Variants in SLC25A21 observed in about 807,000 individuals in gnomAD.
SLC25A21 encodes the protein solute carrier family 25 member 21.
Under a neutral mutation model 43.8 loss-of-function variants are expected in SLC25A21, and 47 were observed. The ratio of observed to expected loss-of-function variants is 1.07; its 90% CI spans 0.85 to 1.37. The LOEUF (loss-of-function observed/expected upper bound fraction) is 1.37, where lower values mean the gene tolerates loss of function less well. SLC25A21 is among the 40% of genes most tolerant of loss of function. The pLI, the probability that SLC25A21 is intolerant of heterozygous loss-of-function variation, is 0.00. For synonymous variants in SLC25A21, 131 were observed against 121.3 expected (o/e 1.08, Z -0.52); for missense variants, 352 against 350.2 (o/e 1.00, Z -0.04).
intron 3 of SLC25A21, among the ~76,000 whole-genome samples, chr14:36,774,577 AC>A: frequency 6.6e-6 from 1 of 151,704 alleles, no homozygotes; most frequent in African/African-American, 2.4e-5. Flanking sequence ...TATTTTAGAG[AC>A]TTTTTTTTTT....
chr14:36,720,186 C>T (rs79698410), intron 6 of SLC25A21, among the ~76,000 whole-genome samples: 1,824 of 152,308 alleles, frequency 0.012, 31 homozygotes, highest in African/African-American at 0.041. Flanking sequence ...CTGTCTCTCC[C>T]CTTACCCAGA....
At chr14:37,108,513 AAAG>A (rs1962957069) in intron 1 of SLC25A21, among the ~76,000 whole-genome samples, 1 of 152,198 alleles carries the variant, frequency 6.6e-6, no homozygotes, top group Admixed American at 6.5e-5. Flanking sequence ...AACAGAATGA[AAAG>A]AATACACTGT....
chr14:36,895,104 C>A (rs1408248022), intron 1 of SLC25A21, among the ~76,000 whole-genome samples: 1 of 152,180 alleles, frequency 6.6e-6, no homozygotes, highest in Admixed American at 6.5e-5. Flanking sequence ...GGAATAGTTT[C>A]AGAAGGAATG....
intron 1 of SLC25A21, among the ~76,000 whole-genome samples, chr14:37,082,533 A>T (rs1594784376): frequency 6.6e-6 from 1 of 152,332 alleles, no homozygotes; most frequent in East Asian, 1.9e-4. Flanking sequence ...AGTCCTCAGA[A>T]ATGAAAGGGG....
chr14:36,958,735 A>C (rs1044353756), intron 1 of SLC25A21, among the ~76,000 whole-genome samples: 109 of 151,934 alleles, frequency 7.2e-4, no homozygotes, highest in African/African-American at 2.6e-3. Flanking sequence ...CAGAGCCAGA[A>C]GGGAGGGGGA....
chr14:37,072,788 A>C (rs780413216), intron 1 of SLC25A21, among the ~76,000 whole-genome samples: 3 of 152,230 alleles, frequency 2.0e-5, no homozygotes, highest in Non-Finnish European at 2.9e-5. Flanking sequence ...TTCTAGAAAT[A>C]TCACTTAAAA....
At chr14:36,748,243 C>T (rs2139253946) in intron 3 of SLC25A21, among the ~76,000 whole-genome samples, 1 of 152,334 alleles carries the variant, frequency 6.6e-6, no homozygotes, top group South Asian at 2.1e-4. Flanking sequence ...TCTTCCCTGA[C>T]TATGCCTCTA....
At chr14:36,695,427 GT>G (rs1210412681) in intron 7 of SLC25A21, among the ~76,000 whole-genome samples, 1 of 152,176 alleles carries the variant, frequency 6.6e-6, no homozygotes, top group Non-Finnish European at 1.5e-5. Context: ...TTTTAAAGTA[GT>G]TTTTTCCAAT....
At chr14:36,752,304 T>C (rs1238444489) in intron 3 of SLC25A21, among the ~76,000 whole-genome samples, 1 of 152,124 alleles carries the variant, frequency 6.6e-6, no homozygotes, top group African/African-American at 2.4e-5. Context: ...TTTGGGAATG[T>C]AAAGTGGTGC....
intron 1 of SLC25A21, among the ~76,000 whole-genome samples, chr14:37,062,809 A>C (rs922853227): frequency 6.6e-6 from 1 of 152,196 alleles, no homozygotes; most frequent in African/African-American, 2.4e-5. Flanking sequence ...TAGAGAGGCT[A>C]TCTTAGCAGA....
chr14:36,888,614 C>A (rs987619160), intron 1 of SLC25A21, among the ~76,000 whole-genome samples: 1 of 151,962 alleles, frequency 6.6e-6, no homozygotes, highest in Non-Finnish European at 1.5e-5. Context: ...AAATAGCTTC[C>A]TCCCTCTGTG....
chr14:36,794,902 T>G (rs1025433510), intron 3 of SLC25A21, among the ~76,000 whole-genome samples: 1 of 152,124 alleles, frequency 6.6e-6, no homozygotes, highest in Non-Finnish European at 1.5e-5. Flanking sequence ...TCTCATAAAT[T>G]TCAAATAATT....
At chr14:36,895,600 C>T (rs926971957) in intron 1 of SLC25A21, among the ~76,000 whole-genome samples, 98 of 152,220 alleles carry the variant, frequency 6.4e-4, no homozygotes, top group East Asian at 7.7e-4. Flanking sequence ...TGTGTTTGCT[C>T]TTGCTTCTCT....
intron 1 of SLC25A21, among the ~76,000 whole-genome samples, chr14:36,946,856 G>T (rs966313582): frequency 2.6e-5 from 4 of 152,136 alleles, no homozygotes; most frequent in Admixed American, 1.3e-4. Flanking sequence ...AAACCAACCT[G>T]TGCTCAGACC....
intron 7 of SLC25A21, among the ~76,000 whole-genome samples, chr14:36,687,870 G>A (rs74501790): frequency 0.031 from 4,730 of 152,118 alleles, 238 homozygotes; most frequent in African/African-American, 0.11. Flanking sequence ...GTAATATCAG[G>A]GTTCTCTTTT....
chr14:36,969,442 G>A (rs1432998780), intron 1 of SLC25A21, among the ~76,000 whole-genome samples: 1 of 152,108 alleles, frequency 6.6e-6, no homozygotes, highest in African/African-American at 2.4e-5. Flanking sequence ...GCTGTCAACT[G>A]AGCTGAGTAT....
chr14:36,735,471 A>G (rs78760481), intron 3 of SLC25A21, among the ~76,000 whole-genome samples: 1 of 54,012 alleles, frequency 1.9e-5, no homozygotes, highest in Non-Finnish European at 3.2e-5. Context: ...TGATGAGTCC[A>G]TAACATGTCC....
intron 3 of SLC25A21, among the ~76,000 whole-genome samples, chr14:36,746,679 ATCT>A (rs1416132706): frequency 1.3e-5 from 2 of 152,092 alleles, no homozygotes; most frequent in African/African-American, 2.4e-5. Flanking sequence ...GATCACTCTC[ATCT>A]TCTCACCAGC....
chr14:37,097,264 C>G (rs1210038705), intron 1 of SLC25A21: 3 of 151,944 alleles, frequency 2.0e-5, no homozygotes, highest in African/African-American at 7.2e-5. Flanking sequence ...CCCCACCCAG[C>G]TAATTTTTGT....
Sources: allele counts gnomAD v4.1 joint callset (sites outside exome capture counted in the v4.1 genomes callset), GRCh38; gene constraint gnomAD v4.1.1; transcripts MANE v1.5; gene names NCBI Gene and HGNC (gene_info 2026-07-23, HGNC 2026-07-21).